The following CDHR3 variants were observed in gnomAD, a reference collection of about 807,000 sequenced individuals.
The protein encoded by CDHR3 is cadherin-related family member 3.
Under a neutral mutation model 86.6 loss-of-function variants are expected in CDHR3, and 79 were observed. The ratio of observed to expected loss-of-function variants is 0.91; its 90% CI spans 0.76 to 1.10. CDHR3 has a LOEUF of 1.10. Ranked by LOEUF, CDHR3 falls within the 50% of genes least tolerant of loss-of-function variation. The pLI is 0.00. For synonymous variants in CDHR3, 421 were observed against 402.4 expected, an observed-to-expected ratio of 1.05 and a Z score of -0.55; for missense variants, 1,081 against 1,077.6, an observed-to-expected ratio of 1.00 and a Z score of -0.04.
Position 106,001,626 on chromosome 7 carries a change from C to T in CDHR3, c.862+16C>T. On this transcript the variant is annotated intron_variant, in intron 7 of 18. Transcript: ENST00000317716. ...ATAAATCAGTGTAAGCCACTCACTT[C>T]CATCCTTAAGTGCATCCTCTAATTC... The T allele has an allele frequency of 1.2e-6, 2 of 1,613,468 alleles. No individual in the cohort carries two copies. The highest frequency in any genetic ancestry group is 2.2e-5 in the East Asian group (1 of 44,884).
chr7:105,984,019 T>C (rs766584632), intron 3 of CDHR3, among the ~76,000 whole-genome samples, 173 bp from the exon 4 acceptor site: 1 of 152,162 alleles, frequency 6.6e-6, no homozygotes, highest in Non-Finnish European at 1.5e-5. Context: ...CCTAAATGGA[T>C]CCATGCAGGA....
chr7:105,984,211 A>G lies in CDHR3; in HGVS notation c.435A>G (p.Val145=), dbSNP rs776479755. The G allele has an allele frequency of 2.5e-6, 4 of 1,609,196 alleles. No individual in the cohort carries two copies. Among genetic ancestry groups the G allele is most frequent in the Non-Finnish European group, 3.4e-6 (4 of 1,176,796 alleles). ...NLAEGLHLYI[V]ERANPGFIYQ... Reference sequence around the variant, plus strand: ...GTCTAGGTCTACACCTCTACATAGTAGAAAGAGCAAACCCTGGATTCATTT... The same window carrying G: ...GTCTAGGTCTACACCTCTACATAGTGGAAAGAGCAAACCCTGGATTCATTT... Residue 145 remains valine, a synonymous_variant, in exon 4 of 19, where the codon GTA becomes GTG. Coordinates refer to ENST00000317716, the MANE Select transcript of CDHR3 (RefSeq NM_152750.5).
intron 3 of CDHR3, among the ~76,000 whole-genome samples, chr7:105,981,584 C>A (rs184488082): frequency 6.6e-6 from 1 of 152,178 alleles, no homozygotes; most frequent in African/African-American, 2.4e-5. Context: ...TACAGGATCT[C>A]CCCCAAGCTC....
At position 106,032,709 on chromosome 7, in the gene CDHR3, G is replaced by A; in HGVS notation, c.*12G>A. On this transcript the variant is annotated 3_prime_UTR_variant, in exon 19 of 19. Coordinates refer to ENST00000317716, the MANE Select transcript of CDHR3 (RefSeq NM_152750.5). ...ACCCAGGAAAGTAAACGGGGTCTAA[G>A]GAGGGGCCTGTCAATCACTGAGATG... 6.2e-7 allele frequency: 1 copy of A among 1,600,164 alleles called. No homozygotes were observed. The highest frequency in any genetic ancestry group is 8.5e-7 in the Non-Finnish European group (1 of 1,171,972).
chr7:105,997,643 C>A (rs1832456969), intron 6 of CDHR3, among the ~76,000 whole-genome samples: 1 of 150,984 alleles, frequency 6.6e-6, no homozygotes, highest in Non-Finnish European at 1.5e-5. Context: ...GGAGCAGATG[C>A]ATTCTTTGAC....
Position 105,994,781 on chromosome 7 carries a change from A to C in CDHR3, c.544A>C (p.Arg182=). 2 of 1,612,676 alleles carry C rather than the reference A, an allele frequency of 1.2e-6. No individual in the cohort carries two copies. The highest frequency in any genetic ancestry group is 1.7e-6 in the Non-Finnish European group (2 of 1,179,338). Residue 182 remains arginine (R), a synonymous_variant, in exon 5 of 19, where the codon AGA becomes CGA. Transcript: ENST00000317716. The part of the protein sequence containing the change: ...YFLISPPKSF[R]MSANGTLFST... Reference sequence around the variant, plus strand: ...CCTGATTTCTCCCCCAAAGAGCTTCAGAATGTCTGCTAATGGCACCCTCTT... The same window carrying C: ...CCTGATTTCTCCCCCAAAGAGCTTCCGAATGTCTGCTAATGGCACCCTCTT...
At chr7:105,965,567 A>ACCCCCCCCCC (rs56177648) in intron 1 of CDHR3, among the ~76,000 whole-genome samples, 19 of 78,260 alleles carry the variant, frequency 2.4e-4, no homozygotes, top group South Asian at 9.6e-4. Flanking sequence ...CTCAAGCCCC[A>ACCCCCCCCCC]CCCCCCCCCA....
At chr7:106,021,430 T>C (rs1450066621) in intron 13 of CDHR3, among the ~76,000 whole-genome samples, 7 of 152,212 alleles carry the variant, frequency 4.6e-5, no homozygotes, top group African/African-American at 7.2e-5. Flanking sequence ...CTGAGAGCCC[T>C]AAGGCCTTTA....
In CDHR3 at chr7:106,030,655, A is replaced by G. The variant is rs1428317751; in HGVS notation, c.2305-137A>G. 4 of 729,972 alleles carry G rather than the reference A, an allele frequency of 5.5e-6. No homozygotes were observed. Among genetic ancestry groups the G allele is most frequent in the Non-Finnish European group, 7.2e-6 (3 of 419,276 alleles). 45.2% of individuals were successfully genotyped at this position (729,972 alleles called of 1,614,324 possible). A position where few individuals can be genotyped will look rare whatever the true frequency, so the allele number is the denominator to read the frequency against. The stretch of plus-strand genomic sequence containing the variant: ...CCTTGTTCATCACTGTGTCCCCTGC[A>G]TCTATCACAGTGCCTAATTAAAGAC... On this transcript the variant is annotated intron_variant, in intron 17 of 18. Transcript: ENST00000317716. This position sits in a 1 kb window ranked among gnomAD's most constrained non-coding sequence, Gnocchi z 4.8.
intron 14 of CDHR3, among the ~76,000 whole-genome samples, chr7:106,023,236 A>G (rs1424665460): frequency 6.6e-6 from 1 of 152,166 alleles, no homozygotes; most frequent in East Asian, 1.9e-4. Flanking sequence ...AACCTAATGA[A>G]TCCGAAGCTC....
At chr7:105,996,528 T>C (rs1346163874) in intron 6 of CDHR3, among the ~76,000 whole-genome samples, 174 bp downstream of exon 6, 1 of 152,184 alleles carries the variant, frequency 6.6e-6, no homozygotes, top group African/African-American at 2.4e-5. Flanking sequence ...GGACTGCTGT[T>C]TTCCACCTTT....
rs778802807 is a variant in CDHR3, at chr7:106,024,530, C to T, written c.2226C>T (p.Cys742=). ...VLLAKAIHRH[C]PCKTGKNKEP... The stretch of plus-strand genomic sequence containing the variant: ...TGGCCAAAGCCATCCACAGACACTG[C>T]CCCTGCAAGACTGGGAAGAACAAGG... The change falls in exon 15 of 19, where the codon TGC becomes TGT. Residue 742 remains cysteine (C), a synonymous_variant. Transcript: ENST00000317716. The T allele has an allele frequency of 1.2e-6, 2 of 1,614,038 alleles. No homozygotes were observed. The highest frequency in any genetic ancestry group is 1.7e-6 in the Non-Finnish European group (2 of 1,179,886).
At chr7:106,020,324 A>C (rs1356305734) in intron 12 of CDHR3, 49 bp from the exon 13 acceptor site, 1 of 1,494,254 alleles carries the variant, frequency 6.7e-7, no homozygotes, top group Non-Finnish European at 9.1e-7. Context: ...CACAGTAAGC[A>C]CTCAATGAGT....
chr7:105,965,431 G>A (rs939246308), intron 1 of CDHR3, among the ~76,000 whole-genome samples: 4 of 152,094 alleles, frequency 2.6e-5, no homozygotes, highest in African/African-American at 4.8e-5. Flanking sequence ...CTGAGATTGC[G>A]CCATTGCACT....
intron 14 of CDHR3, among the ~76,000 whole-genome samples, chr7:106,023,024 C>T (rs370238502): frequency 1.5e-3 from 221 of 152,316 alleles, no homozygotes; most frequent in African/African-American, 5.1e-3. Flanking sequence ...GATCCCTGCT[C>T]TCAGAAAGCT....
In CDHR3 at chr7:105,976,979, T is replaced by C. The variant is rs1011991746; in HGVS notation, c.249+1933T>C. ...CTCCAAGGCACATTCACATACCTGA[T>C]CTCTTTTTTTTTTTTTTTTTTGAGA... On this transcript the variant is annotated intron_variant, in intron 2 of 18. Transcript: ENST00000317716. Among the ~76,000 whole-genome samples the C allele has an allele frequency of 2.3e-5, 3 of 132,716 alleles. No homozygotes were observed. The South Asian group carries it at 7.1e-4, about 31-fold the overall frequency. 87.1% of individuals were successfully genotyped at this position (132,716 alleles called of 152,430 possible).
Position 106,016,021 on chromosome 7 carries a change from G to GCCC in CDHR3, c.1423_1425dup (p.Pro475dup), listed in dbSNP as rs1563290919. On this transcript the variant is annotated inframe_insertion, in exon 11 of 19. Transcript: ENST00000317716. ...ATGTATTTGATGTGTCAGAAAGAAG[G>GCCC]CCCGGTAAGTAACAGATAAGACACA... 1 of 1,603,606 alleles carries GCCC rather than the reference G, an allele frequency of 6.2e-7. No homozygotes were observed. Among genetic ancestry groups the GCCC allele is most frequent in the Non-Finnish European group, 8.5e-7 (1 of 1,172,990 alleles).
At position 106,035,649 on chromosome 7, in the gene CDHR3, C is replaced by T. The variant is rs995409758; in HGVS notation, c.*2952C>T. Reference sequence around the variant, plus strand: ...TCCAAATACCCCTTGGAGGTTTCCCCTTGGCCACTTCATGCTCACCTCATG... The same window carrying T: ...TCCAAATACCCCTTGGAGGTTTCCCTTTGGCCACTTCATGCTCACCTCATG... On this transcript the variant is annotated 3_prime_UTR_variant, in exon 19 of 19. Transcript: ENST00000317716. 3 of 152,170 alleles carry T rather than the reference C, an allele frequency of 2.0e-5. No individual in the cohort carries two copies. Among genetic ancestry groups the T allele is most frequent in the African/African-American group, 7.2e-5 (3 of 41,442 alleles). The allele number at this position is 152,170 out of a possible 1,614,324, so 9.4% of individuals were successfully genotyped here. A position where few individuals can be genotyped will look rare whatever the true frequency, so the allele number is the denominator to read the frequency against.
chr7:105,973,176 G>C (rs983642849), intron 1 of CDHR3, among the ~76,000 whole-genome samples: 1 of 152,132 alleles, frequency 6.6e-6, no homozygotes, highest in Non-Finnish European at 1.5e-5. Context: ...TCTTGGCTCT[G>C]TTATTTATTA....
Sources: gnomAD v4.1 joint callset for allele counts (sites outside exome capture counted in the v4.1 genomes callset) on GRCh38, gnomAD v4.1.1 for gene constraint, Gnocchi (gnomAD v3.1) non-coding constraint, MANE v1.5 for transcripts, NCBI Gene and HGNC (gene_info 2026-07-23, HGNC 2026-07-21) for gene names.